Variants in WDR41 observed in about 807,000 individuals in gnomAD.
WDR41 encodes the protein WD repeat domain 41, also known as WD repeat-containing protein 41.
In WDR41, 63 loss-of-function variants were observed where a neutral mutation model predicts 69.3. The observed-to-expected ratio is 0.91, with a 90% CI of 0.74 to 1.12. The LOEUF (loss-of-function observed/expected upper bound fraction) is 1.12, where lower values mean the gene tolerates loss of function less well. WDR41 is among the 50% of genes most tolerant of loss of function. The probability of loss-of-function intolerance (pLI) is 0.00; values close to 1 mark genes in which losing one functional copy is unlikely to be tolerated. For synonymous variants in WDR41, 185 were observed against 192.1 expected (o/e 0.96, Z 0.31); for missense variants, 543 against 534.5 (o/e 1.02, Z -0.16).
chr5:77,595,122 C>T (rs1046162230), intron 1 of WDR41, among the ~76,000 whole-genome samples: 3 of 150,764 alleles, frequency 2.0e-5, no homozygotes, highest in African/African-American at 7.4e-5. Context: ...TTACTGACTG[C>T]TAACAAAATC....
chr5:77,483,486 G>A (rs1449948816), intron 2 of WDR41, among the ~76,000 whole-genome samples: 1 of 4,836 alleles, frequency 2.1e-4, no homozygotes, highest in Admixed American at 2.9e-3. Flanking sequence ...ATACTCGTGT[G>A]TGTGTGTGTG....
chr5:77,613,489 C>T (rs1424217797), intron 1 of WDR41, among the ~76,000 whole-genome samples: 13 of 151,830 alleles, frequency 8.6e-5, no homozygotes, highest in South Asian at 4.2e-4. Flanking sequence ...GAAATAACGC[C>T]GCATATCTAC....
intron 1 of WDR41, among the ~76,000 whole-genome samples, chr5:77,522,383 T>C (rs1183163498): frequency 5.9e-5 from 9 of 152,228 alleles, no homozygotes; most frequent in East Asian, 3.9e-4. Flanking sequence ...GGCTTATACC[T>C]GTAATCCCAG....
At chr5:77,481,601 A>G (rs10052987) in intron 2 of WDR41, among the ~76,000 whole-genome samples, 50,530 of 151,654 alleles carry the variant, frequency 0.33, 8,462 homozygotes, top group Admixed American at 0.35. Flanking sequence ...CCTGGCCAAT[A>G]TGGTGAAACC....
intron 1 of WDR41, among the ~76,000 whole-genome samples, chr5:77,534,510 T>G (rs1280902151): frequency 1.3e-5 from 2 of 151,748 alleles, no homozygotes; most frequent in East Asian, 3.9e-4. Flanking sequence ...CTCGGCTCAC[T>G]GCAACCTCCA....
intron 1 of WDR41, among the ~76,000 whole-genome samples, chr5:77,583,476 C>T (rs1743979231): frequency 6.6e-6 from 1 of 151,588 alleles, no homozygotes; most frequent in African/African-American, 2.4e-5. Context: ...CGTACCACCA[C>T]ACTCCAGCCT....
In WDR41 at chr5:77,450,438, A is replaced by G. The variant is rs1409206434; in HGVS notation, c.587-568T>C. Among the ~76,000 whole-genome samples, 3 of 152,198 alleles carry G rather than the reference A, an allele frequency of 2.0e-5. No homozygotes were observed. The East Asian group carries it at 5.8e-4, about 29-fold the overall frequency. On this transcript the variant is annotated intron_variant, in intron 7 of 12. Transcript: ENST00000296679. Reference sequence around the variant, plus strand: ...GTTCTTCTGACTATAGTAATGTTCAATGTGTTGCTTTACTCATTATCTGAC... The same window carrying G: ...GTTCTTCTGACTATAGTAATGTTCAGTGTGTTGCTTTACTCATTATCTGAC...
chr5:77,520,908 C>T (rs145663612), intron 1 of WDR41, among the ~76,000 whole-genome samples: 76 of 152,272 alleles, frequency 5.0e-4, no homozygotes, highest in African/African-American at 1.7e-3. Flanking sequence ...TGCTCTTCAG[C>T]CGTCATAAGT....
intron 8 of WDR41, among the ~76,000 whole-genome samples, chr5:77,442,760 T>C (rs1192149939): frequency 1.3e-5 from 2 of 151,220 alleles, no homozygotes; most frequent in East Asian, 1.9e-4. Context: ...GGCGTGGTGG[T>C]GGGCGCCTGT....
At chr5:77,509,184 AT>A (rs1337252308) in intron 1 of WDR41, among the ~76,000 whole-genome samples, 1 of 152,116 alleles carries the variant, frequency 6.6e-6, no homozygotes, top group Non-Finnish European at 1.5e-5. Context: ...TATTAGTTTA[AT>A]TTTATTGCTG....
intron 1 of WDR41, among the ~76,000 whole-genome samples, chr5:77,537,987 C>T (rs1296517792): frequency 6.6e-6 from 1 of 151,950 alleles, no homozygotes; most frequent in Non-Finnish European, 1.5e-5. Context: ...AGTTTTTTAC[C>T]TGCATAGATT....
intron 1 of WDR41, among the ~76,000 whole-genome samples, chr5:77,508,803 C>T (rs1374817451): frequency 9.3e-6 from 1 of 107,678 alleles, no homozygotes; most frequent in Admixed American, 1.0e-4. Context: ...TTTCTCTCCC[C>T]CCACAGCGTG....
In WDR41 at chr5:77,431,780, T is replaced by C. The variant is rs1798731592; in HGVS notation, c.*1355A>G. On this transcript the variant is annotated 3_prime_UTR_variant, in exon 13 of 13. Coordinates refer to ENST00000296679, the MANE Select transcript of WDR41 (RefSeq NM_018268.4). Reference sequence around the variant, plus strand: ...TCTAAAGGAAAAAGCACGTGAATAATGGGAGAAAGTCTTCTGTAATTGAGG... The same window carrying C: ...TCTAAAGGAAAAAGCACGTGAATAACGGGAGAAAGTCTTCTGTAATTGAGG... 2.0e-5 allele frequency: 3 copies of C among 152,242 alleles called. No homozygotes were observed. Among genetic ancestry groups the C allele is most frequent in the Admixed American group, 2.0e-4 (3 of 15,284 alleles). 9.4% of individuals were successfully genotyped at this position (152,242 alleles called of 1,614,324 possible).
rs760999840 is a variant in WDR41 at position 77,492,127 on chromosome 5, C to T, written c.51+43G>A. 3.1e-5 allele frequency: 50 copies of T among 1,600,532 alleles called. 1 individual carries two copies. In the Admixed American group the frequency reaches 5.1e-4, roughly 16 times the overall value. Reference sequence around the variant, plus strand: ...CCGAACCGGAACGAAGCCGCCCCTCCAGCAAGCTCGACGGACGCAGAGCAG... The same window carrying T: ...CCGAACCGGAACGAAGCCGCCCCTCTAGCAAGCTCGACGGACGCAGAGCAG... On this transcript the variant is annotated intron_variant, in intron 1 of 12. Coordinates refer to ENST00000296679, the MANE Select transcript of WDR41 (RefSeq NM_018268.4).
intron 1 of WDR41, among the ~76,000 whole-genome samples, chr5:77,505,373 A>G (rs1802089351): frequency 6.6e-6 from 1 of 152,178 alleles, no homozygotes; most frequent in Admixed American, 6.6e-5. Flanking sequence ...CAATGAAATA[A>G]AAGAGGATAC....
At chr5:77,605,512 G>C (rs1744398547) in intron 1 of WDR41, among the ~76,000 whole-genome samples, 1 of 152,166 alleles carries the variant, frequency 6.6e-6, no homozygotes, top group Non-Finnish European at 1.5e-5. Flanking sequence ...CTTGTGAGAG[G>C]CTTTGCTCTA....
intron 11 of WDR41, among the ~76,000 whole-genome samples, chr5:77,437,060 A>G (rs1469695129): frequency 6.6e-6 from 1 of 152,238 alleles, no homozygotes. Context: ...TGAATACTTC[A>G]TTAGGCCATT....
chr5:77,582,787 C>G (rs1743963409), intron 1 of WDR41: 1 of 1,600,072 alleles, frequency 6.2e-7, no homozygotes, highest in Non-Finnish European at 8.5e-7. Context: ...GATTGTAGAG[C>G]CATATATAGC....
At chr5:77,478,753 T>C (rs2112044880) in intron 2 of WDR41, among the ~76,000 whole-genome samples, 1 of 150,602 alleles carries the variant, frequency 6.6e-6, no homozygotes, top group Non-Finnish European at 1.5e-5. Context: ...GCATTCCCTT[T>C]GAAAACTGGC....
Sources: allele counts gnomAD v4.1 joint callset (sites outside exome capture counted in the v4.1 genomes callset), GRCh38; gene constraint gnomAD v4.1.1; transcripts MANE v1.5; gene names NCBI Gene and HGNC (gene_info 2026-07-23, HGNC 2026-07-21).